Variants in PHC3 observed in about 807,000 individuals in gnomAD.
PHC3 encodes the protein polyhomeotic homolog 3, also known as polyhomeotic-like protein 3.
PHC3 carries 13 observed loss-of-function variants against 107.4 expected under a neutral mutation model. That is an observed-to-expected ratio of 0.12 (90% CI 0.08 to 0.19). The LOEUF (loss-of-function observed/expected upper bound fraction) is 0.19. Among genes scored for constraint, PHC3 ranks in the 10% least tolerant of loss-of-function variants. The pLI is 1.00. For missense variants in PHC3, 992 were observed against 1,210.9 expected (o/e 0.82, Z 2.68); for synonymous variants, 456 against 427.4 (o/e 1.07, Z -0.83).
intron 6 of PHC3, 117 bp from the exon 7 acceptor site, chr3:170,136,782 G>A (rs1723145312): frequency 9.2e-7 from 1 of 1,081,310 alleles, no homozygotes; most frequent in Admixed American, 2.9e-5. Flanking sequence ...CATACGTAAA[G>A]CTCCAAGCAC....
chr3:170,153,389 C>T (rs1726332062), intron 4 of PHC3, among the ~76,000 whole-genome samples: 1 of 152,166 alleles, frequency 6.6e-6, no homozygotes, highest in African/African-American at 2.4e-5. Flanking sequence ...TATCTGCAAA[C>T]TGATACCTCT....
At position 170,126,508 on chromosome 3, in the gene PHC3, A is replaced by G. The variant is rs559325872; in HGVS notation, c.1788+2176T>C. Reference sequence around the variant, plus strand: ...TCAAAGTATTATGCTCCATATGTATATATATATATATATATATATATTTTT... The same window carrying G: ...TCAAAGTATTATGCTCCATATGTATGTATATATATATATATATATATTTTT... On this transcript the variant is annotated intron_variant, in intron 8 of 14. Coordinates refer to ENST00000495893, the MANE Select transcript of PHC3 (RefSeq NM_024947.4). 5.8e-3 allele frequency among the ~76,000 whole-genome samples: 514 copies of G among 88,742 alleles called. 9 individuals are homozygous for G. Among genetic ancestry groups the G allele is most frequent in the African/African-American group, 0.019 (430 of 22,882 alleles). 58.2% of individuals were successfully genotyped at this position (88,742 alleles called of 152,430 possible).
At chr3:170,119,001 TAAAGTCACAC>T (rs1424068219) in intron 9 of PHC3, among the ~76,000 whole-genome samples, 2 of 121,396 alleles carry the variant, frequency 1.6e-5, no homozygotes, top group African/African-American at 6.3e-5. Flanking sequence ...AAAACCTGTT[TAAAGTCACAC>T]AAAGTCACAC....
intron 3 of PHC3, among the ~76,000 whole-genome samples, 160 bp downstream of exon 3, chr3:170,172,397 T>A (rs149931162): frequency 0.012 from 1,853 of 152,284 alleles, 40 homozygotes; most frequent in African/African-American, 0.042. Flanking sequence ...CCCCTTTTTC[T>A]CAATTAACTT....
chr3:170,122,048 T>A (rs190098411), intron 9 of PHC3, among the ~76,000 whole-genome samples: 4 of 151,702 alleles, frequency 2.6e-5, no homozygotes, highest in Admixed American at 2.6e-4. Flanking sequence ...TACCCAGGAG[T>A]TTGGGATGAG....
At chr3:170,174,457 A>G (rs1730102587) in intron 2 of PHC3, among the ~76,000 whole-genome samples, 1 of 152,200 alleles carries the variant, frequency 6.6e-6, no homozygotes. Context: ...GAAAATTCTT[A>G]CATTTCTCCA....
intron 4 of PHC3, among the ~76,000 whole-genome samples, chr3:170,164,943 C>T (rs1214538457): frequency 4.6e-5 from 7 of 152,330 alleles, no homozygotes; most frequent in African/African-American, 1.7e-4. Context: ...CCCTCAACCC[C>T]TCCAACAGGT....
intron 4 of PHC3, among the ~76,000 whole-genome samples, chr3:170,166,225 A>G (rs1728725778): frequency 6.6e-6 from 1 of 151,770 alleles, no homozygotes; most frequent in South Asian, 2.1e-4. Flanking sequence ...TTGATTTTTA[A>G]TAGAGATGGG....
intron 14 of PHC3, 136 bp downstream of exon 14, chr3:170,102,343 A>G (rs1715638045): frequency 2.7e-6 from 4 of 1,455,092 alleles, no homozygotes; most frequent in Non-Finnish European, 3.6e-6. Flanking sequence ...TCATATTTCA[A>G]TAACAAATGT....
At chr3:170,175,193 T>C (rs1730227223) in intron 2 of PHC3, among the ~76,000 whole-genome samples, 1 of 152,228 alleles carries the variant, frequency 6.6e-6, no homozygotes, top group Non-Finnish European at 1.5e-5. Flanking sequence ...TCAATAAATA[T>C]TGATTTGATT....
At chr3:170,102,326 A>AC in intron 14 of PHC3, 153 bp downstream of exon 14, 1 of 985,422 alleles carries the variant, frequency 1.0e-6, no homozygotes, top group Non-Finnish European at 1.2e-6. Context: ...AAGCAAGAGG[A>AC]AACAGATCAT....
intron 4 of PHC3, among the ~76,000 whole-genome samples, chr3:170,151,082 G>A (rs544186663): frequency 1.8e-4 from 27 of 152,034 alleles, no homozygotes; most frequent in African/African-American, 6.3e-4. Flanking sequence ...GTGATGGCAC[G>A]CGCCTGTAAT....
intron 2 of PHC3, among the ~76,000 whole-genome samples, chr3:170,172,942 C>T (rs557017174): frequency 6.6e-6 from 1 of 152,200 alleles, no homozygotes; most frequent in South Asian, 2.1e-4. Flanking sequence ...CTGTTAATTC[C>T]AGCACTTTGG....
At position 170,136,406 on chromosome 3, in the gene PHC3, AG is replaced by A; in HGVS notation, c.919+12del. ...GAATAATACAACTATTTTCAACAAAAGTTTTATCCCACCTGGTGCTATTAAC... is the reference window on the plus strand; with the variant it reads ...GAATAATACAACTATTTTCAACAAAATTTTATCCCACCTGGTGCTATTAAC... On this transcript the variant is annotated intron_variant, in intron 7 of 14. Coordinates refer to ENST00000495893, the MANE Select transcript of PHC3 (RefSeq NM_024947.4). 1 of 1,611,410 alleles carries A rather than the reference AG, an allele frequency of 6.2e-7. No individual in the cohort carries two copies. The highest frequency in any genetic ancestry group is 1.1e-5 in the South Asian group (1 of 90,220).
At position 170,129,143 on chromosome 3, in the gene PHC3, C is replaced by G; in HGVS notation, c.1329G>C (p.Gln443His). The change falls in exon 8 of 15, where the codon CAG (glutamine) becomes CAC (histidine). Residue 443 changes from glutamine to histidine, a missense_variant. Around this residue, in one of 6 missense-constraint regions of PHC3, gnomAD observed 543 missense variants for 590.8 expected, o/e 0.92. Coordinates refer to ENST00000495893, the MANE Select transcript of PHC3 (RefSeq NM_024947.4). The part of the protein sequence containing the change: ...QPHPLVSSAL[Q>H]PGPNLQQSTA... ...TGGACTGCTGCAAATTTGGCCCTGG[C>G]TGGAGAGCTGATGACACAAGAGGGT... The G allele has an allele frequency of 6.2e-7, 1 of 1,613,752 alleles. No homozygotes were observed. The highest frequency in any genetic ancestry group is 1.7e-5 in the Admixed American group (1 of 59,964).
intron 9 of PHC3, among the ~76,000 whole-genome samples, chr3:170,120,734 G>C (rs539985912): frequency 5.8e-4 from 88 of 152,302 alleles, no homozygotes; most frequent in African/African-American, 1.8e-3. Flanking sequence ...AAGCTCGAGA[G>C]AAAAGAAGGG....
chr3:170,130,929 T>A (rs936823157), intron 7 of PHC3, among the ~76,000 whole-genome samples: 1 of 151,938 alleles, frequency 6.6e-6, no homozygotes, highest in African/African-American at 2.4e-5. Flanking sequence ...TTTCCTAACC[T>A]TGGAATATTA....
At chr3:170,102,766 A>T (rs1313781125) in intron 13 of PHC3, 36 bp downstream of exon 13, 1 of 1,613,250 alleles carries the variant, frequency 6.2e-7, no homozygotes, top group Non-Finnish European at 8.5e-7. Context: ...CATTTCTGAA[A>T]AGGGTATTTT....
At chr3:170,109,126 G>C (rs1337490166) in intron 11 of PHC3, among the ~76,000 whole-genome samples, 1 of 152,122 alleles carries the variant, frequency 6.6e-6, no homozygotes, top group Non-Finnish European at 1.5e-5. Context: ...TTAGAAAACT[G>C]CCAAAACACT....
Sources: gnomAD v4.1 joint callset for allele counts (sites outside exome capture counted in the v4.1 genomes callset) on GRCh38, gnomAD v4.1.1 for gene constraint, gnomAD v4.1.1 regional missense constraint, MANE v1.5 for transcripts, NCBI Gene and HGNC (gene_info 2026-07-23, HGNC 2026-07-21) for gene names.